The following RNF150 variants were observed in gnomAD, a reference collection of about 807,000 sequenced individuals.
RNF150 encodes the protein ring finger protein 150.
A neutral mutation model predicts 39.3 loss-of-function variants in RNF150; 24 were observed. The ratio of observed to expected loss-of-function variants is 0.61; its 90% CI spans 0.44 to 0.86. The LOEUF (loss-of-function observed/expected upper bound fraction) is 0.86. Among genes scored for constraint, RNF150 ranks in the 40% least tolerant of loss-of-function variants. RNF150 has a pLI of 0.00. For synonymous variants in RNF150, 255 were observed against 227.3 expected (o/e 1.12, Z -1.10); for missense variants, 502 against 587.8 (o/e 0.85, Z 1.51).
intron 1 of RNF150, among the ~76,000 whole-genome samples, chr4:141,098,426 C>T (rs1213209537): frequency 6.6e-6 from 1 of 152,202 alleles, no homozygotes; most frequent in Non-Finnish European, 1.5e-5. Flanking sequence ...GCCATGATGC[C>T]CACAGTGCAG....
intron 1 of RNF150, among the ~76,000 whole-genome samples, chr4:141,064,967 G>A (rs1401738316): frequency 1.3e-5 from 2 of 152,210 alleles, no homozygotes; most frequent in Non-Finnish European, 2.9e-5. Flanking sequence ...CTAGGTTCAA[G>A]CGATTCTCCT....
chr4:141,116,859 G>A (rs1283791127), intron 1 of RNF150, among the ~76,000 whole-genome samples: 1 of 152,132 alleles, frequency 6.6e-6, no homozygotes, highest in Non-Finnish European at 1.5e-5. Context: ...GATGAAGCTG[G>A]AAACCATTAT....
intron 6 of RNF150, among the ~76,000 whole-genome samples, chr4:140,894,639 C>T (rs1412543451): frequency 1.3e-5 from 2 of 152,152 alleles, no homozygotes; most frequent in Non-Finnish European, 2.9e-5. Flanking sequence ...GCCAGTGCTT[C>T]CCAGTAGCAA....
At position 141,140,040 on chromosome 4, in the gene RNF150, C is replaced by T. The variant is rs1296231892; in HGVS notation, c.-6+72754G>A. 8.5e-5 allele frequency among the ~76,000 whole-genome samples: 13 copies of T among 152,138 alleles called. No individual in the cohort carries two copies. In the South Asian group the frequency reaches 1.2e-3, roughly 15 times the overall value. ...TTTTCTTAGCATTGGTGGTGGGGCG[C>T]GTTGCTTCTCTGAGGCCAGGTACTT... On this transcript the variant is annotated intron_variant, in intron 1 of 7. Coordinates refer to the RNF150 transcript ENST00000420921.
At chr4:140,934,046 A>G (rs1167416349) in intron 4 of RNF150, among the ~76,000 whole-genome samples, 4 of 152,166 alleles carry the variant, frequency 2.6e-5, no homozygotes, top group African/African-American at 9.7e-5. Context: ...GTCTCGTTCT[A>G]TTGCCCAGCT....
At chr4:140,927,175 G>C (rs550076412) in intron 4 of RNF150, among the ~76,000 whole-genome samples, 2 of 152,292 alleles carry the variant, frequency 1.3e-5, no homozygotes, top group South Asian at 4.1e-4. Flanking sequence ...TTAGAAGAAC[G>C]CCAATGCCAA....
intron 1 of RNF150, among the ~76,000 whole-genome samples, chr4:141,171,865 T>G (rs1228921104): frequency 3.3e-5 from 5 of 152,328 alleles, no homozygotes; most frequent in Non-Finnish European, 7.4e-5. Flanking sequence ...CAAAGCCCCC[T>G]TGAAGAACTT....
chr4:140,898,830 T>C (rs1325813526), intron 6 of RNF150, among the ~76,000 whole-genome samples: 4 of 152,234 alleles, frequency 2.6e-5, no homozygotes, highest in African/African-American at 9.6e-5. Flanking sequence ...TTTTAAAAAT[T>C]CATTCCACTG....
At chr4:140,931,490 TAAAC>T (rs1731633925) in intron 4 of RNF150, among the ~76,000 whole-genome samples, 2 of 152,292 alleles carry the variant, frequency 1.3e-5, no homozygotes, top group South Asian at 2.1e-4. Context: ...ACAGACTAAA[TAAAC>T]AAACAAAAGG....
chr4:141,022,561 CA>C (rs1735535039), intron 1 of RNF150, among the ~76,000 whole-genome samples: 1 of 152,092 alleles, frequency 6.6e-6, no homozygotes, highest in Non-Finnish European at 1.5e-5. Context: ...ATTCAGTGAC[CA>C]AGCAAGTTAA....
chr4:141,008,488 T>C lies in RNF150; in HGVS notation c.485-40615A>G, dbSNP rs184901708. Among the ~76,000 whole-genome samples the C allele has an allele frequency of 6.6e-5, 10 of 152,348 alleles. No homozygotes were observed. In the East Asian group the frequency reaches 7.7e-4, roughly 12 times the overall value. ...ACTTCCTATTTAGGAAATCTTTGTT[T>C]ATCCTAAGGTTACAAAATATACACC... On this transcript the variant is annotated intron_variant, in intron 1 of 6. Coordinates refer to ENST00000515673, the MANE Select transcript of RNF150 (RefSeq NM_020724.2).
chr4:141,132,658 G>T lies in RNF150; in HGVS notation c.151C>A (p.Pro51Thr). ...TAFVNITYAE[P>T]APDPGAGAAG... ...GCCCCGGCCCCGGGGTCCGGCGCGGGCTCGGCGTAGGTGATGTTCACGAAG... is the reference window on the plus strand; with the variant it reads ...GCCCCGGCCCCGGGGTCCGGCGCGGTCTCGGCGTAGGTGATGTTCACGAAG... The change falls in exon 1 of 7, where the codon CCC becomes ACC. Residue 51 changes from proline (P) to threonine (T), a missense_variant. Coordinates refer to ENST00000515673, the MANE Select transcript of RNF150 (RefSeq NM_020724.2). This position sits in a 1 kb window ranked among gnomAD's most constrained non-coding sequence, Gnocchi z 4.9. 1.2e-6 allele frequency: 2 copies of T among 1,603,096 alleles called. No homozygotes were observed. Among genetic ancestry groups the T allele is most frequent in the African/African-American group, 2.7e-5 (2 of 73,480 alleles).
intron 1 of RNF150, among the ~76,000 whole-genome samples, chr4:141,167,910 A>G (rs574298715): frequency 6.6e-6 from 1 of 152,360 alleles, no homozygotes; most frequent in African/African-American, 2.4e-5. Flanking sequence ...AAAACGCCAA[A>G]AGCAATGGCA....
At chr4:140,950,392 C>T (rs150479502) in intron 2 of RNF150, among the ~76,000 whole-genome samples, 191 of 152,246 alleles carry the variant, frequency 1.3e-3, no homozygotes, top group African/African-American at 4.2e-3. Context: ...AGGTGCCATG[C>T]TAAAGCTATA....
At chr4:140,969,347 G>T (rs1256977174) in intron 1 of RNF150, among the ~76,000 whole-genome samples, 1 of 152,188 alleles carries the variant, frequency 6.6e-6, no homozygotes, top group East Asian at 1.9e-4. Flanking sequence ...CATAGTATGG[G>T]TTTGGCTGTT....
At chr4:140,898,991 C>T (rs562882091) in intron 6 of RNF150, among the ~76,000 whole-genome samples, 1 of 152,262 alleles carries the variant, frequency 6.6e-6, no homozygotes, top group African/African-American at 2.4e-5. Context: ...ACTAATTGTT[C>T]CTCCCTGCTG....
intron 1 of RNF150, among the ~76,000 whole-genome samples, chr4:141,094,788 C>T (rs1330271936): frequency 2.6e-5 from 4 of 152,174 alleles, no homozygotes; most frequent in Non-Finnish European, 5.9e-5. Context: ...CAAAATAACA[C>T]CAAATGGTCT....
chr4:141,211,855 T>C (rs1056354385), intron 1 of RNF150, among the ~76,000 whole-genome samples: 7 of 152,154 alleles, frequency 4.6e-5, no homozygotes, highest in Admixed American at 1.3e-4. Context: ...AAAACCTCAT[T>C]CCATCTCAAG....
intron 1 of RNF150, among the ~76,000 whole-genome samples, chr4:141,147,036 C>T (rs1319007550): frequency 6.6e-6 from 1 of 152,168 alleles, no homozygotes; most frequent in East Asian, 1.9e-4. Flanking sequence ...ATTATGGCCA[C>T]TGCAACCTCC....
Sources: allele counts gnomAD v4.1 joint callset (sites outside exome capture counted in the v4.1 genomes callset), GRCh38; gene constraint gnomAD v4.1.1; non-coding constraint Gnocchi (gnomAD v3.1); transcripts MANE v1.5; gene names NCBI Gene and HGNC (gene_info 2026-07-23, HGNC 2026-07-21).